GNB4: variants seen among roughly 807,000 people sequenced by gnomAD.
GNB4 encodes G protein subunit beta 4.
GNB4 carries 28 observed loss-of-function variants against 45.2 expected under a neutral mutation model. The ratio of observed to expected loss-of-function variants is 0.62; its 90% CI spans 0.46 to 0.85. The LOEUF (loss-of-function observed/expected upper bound fraction) is 0.85. GNB4 is among the 40% of genes least tolerant of loss of function. GNB4 has a pLI of 0.00. For missense variants in GNB4, 321 were observed against 425.4 expected, an observed-to-expected ratio of 0.75 and a Z score of 2.16; for synonymous variants, 132 against 143.7, an observed-to-expected ratio of 0.92 and a Z score of 0.58.
intron 1 of GNB4, among the ~76,000 whole-genome samples, chr3:179,430,522 A>G (rs1715280042): frequency 6.6e-6 from 1 of 152,060 alleles, no homozygotes; most frequent in Admixed American, 6.5e-5. Flanking sequence ...GCACAATCAC[A>G]GCTCACTGTA....
the GNB4 span, among the ~76,000 whole-genome samples, chr3:179,521,947 C>T: frequency 3.3e-5 from 5 of 152,156 alleles, no homozygotes; most frequent in Non-Finnish European, 7.3e-5. Context: ...TCCCAAGCTG[C>T]CCCTAATCCC....
chr3:179,405,559 T>G, intron 8 of GNB4, 153 bp from the exon 9 acceptor site: 1 of 580,222 alleles, frequency 1.7e-6, no homozygotes, highest in South Asian at 2.4e-5. Flanking sequence ...ATTTTGAGCC[T>G]CAGATTCCAT....
chr3:179,440,420 G>A (rs1715565417), intron 1 of GNB4, among the ~76,000 whole-genome samples: 1 of 152,134 alleles, frequency 6.6e-6, no homozygotes, highest in African/African-American at 2.4e-5. Context: ...AAGTAGCAAA[G>A]TACATGAGAA....
chr3:179,411,048 G>GA (rs1049858460), intron 8 of GNB4, among the ~76,000 whole-genome samples: 1 of 151,960 alleles, frequency 6.6e-6, no homozygotes, highest in African/African-American at 2.4e-5. Context: ...GGCTGGGGAG[G>GA]AAAAAAGCCT....
intron 1 of GNB4, among the ~76,000 whole-genome samples, chr3:179,431,084 C>G (rs909631957): frequency 6.6e-6 from 1 of 152,020 alleles, no homozygotes; most frequent in African/African-American, 2.4e-5. Context: ...TATCTAAAAC[C>G]CAGTAGATTT....
At chr3:179,490,409 AG>A in the GNB4 span, among the ~76,000 whole-genome samples, 380 of 152,332 alleles carry the variant, frequency 2.5e-3, 1 homozygote, top group Non-Finnish European at 3.7e-3. Context: ...ATAGACAGAT[AG>A]GTACGTAGGT....
intron 9 of GNB4, among the ~76,000 whole-genome samples, chr3:179,402,174 A>G (rs1357877374): frequency 6.6e-6 from 1 of 152,222 alleles, no homozygotes; most frequent in African/African-American, 2.4e-5. Context: ...TAACAAAAAA[A>G]ATGAACATTG....
the GNB4 span, among the ~76,000 whole-genome samples, chr3:179,456,916 G>A: frequency 1.3e-5 from 2 of 152,250 alleles, no homozygotes; most frequent in Non-Finnish European, 2.9e-5. Context: ...ACCACAGTTG[G>A]TTTATCCATT....
rs1714207804 is a variant in GNB4, at chr3:179,399,125, C to G, written c.*2088G>C. ...CTGGAAATGAATACATTCCTTTATT[C>G]TTTTCTCAAAGAACTGTTCTTTATG... On this transcript the variant is annotated 3_prime_UTR_variant, in exon 10 of 10. Transcript: ENST00000232564. The G allele has an allele frequency of 6.6e-6, 1 of 152,198 alleles. No homozygotes were observed. Among genetic ancestry groups the G allele is most frequent in the South Asian group, 2.1e-4 (1 of 4,818 alleles). 9.4% of individuals were successfully genotyped at this position (152,198 alleles called of 1,614,324 possible). A position where few individuals can be genotyped will look rare whatever the true frequency, so the allele number is the denominator to read the frequency against.
chr3:179,456,597 T>C, the GNB4 span, among the ~76,000 whole-genome samples: 1 of 152,226 alleles, frequency 6.6e-6, no homozygotes, highest in East Asian at 1.9e-4. Flanking sequence ...CCTTTTTTTC[T>C]TTTAGTGTGC....
At chr3:179,502,727 C>T in the GNB4 span, among the ~76,000 whole-genome samples, 3 of 152,172 alleles carry the variant, frequency 2.0e-5, no homozygotes, top group Admixed American at 2.0e-4. Flanking sequence ...CCCTGAACAT[C>T]AGTAAAATCT....
chr3:179,463,149 G>T, the GNB4 span, among the ~76,000 whole-genome samples: 2 of 152,030 alleles, frequency 1.3e-5, no homozygotes, highest in Middle Eastern at 3.4e-3. Flanking sequence ...CTGTACATTC[G>T]CTGGGTCAGG....
chr3:179,505,722 G>A, the GNB4 span, among the ~76,000 whole-genome samples: 1 of 152,126 alleles, frequency 6.6e-6, no homozygotes, highest in Non-Finnish European at 1.5e-5. Context: ...AGTGCTGGAC[G>A]ACACGTTCCA....
chr3:179,525,001 G>C, the GNB4 span, among the ~76,000 whole-genome samples: 2 of 152,136 alleles, frequency 1.3e-5, no homozygotes, highest in Admixed American at 1.3e-4. Context: ...GAACAGCCTG[G>C]GGAGGAGGGG....
chr3:179,520,040 TG>T, the GNB4 span, among the ~76,000 whole-genome samples: 1 of 152,148 alleles, frequency 6.6e-6, no homozygotes, highest in African/African-American at 2.4e-5. Context: ...CACCCCGTGG[TG>T]GCACACCCAT....
At chr3:179,435,244 T>C (rs985511047) in intron 1 of GNB4, among the ~76,000 whole-genome samples, 9 of 152,158 alleles carry the variant, frequency 5.9e-5, no homozygotes, top group African/African-American at 2.2e-4. Context: ...TCCCTTCTTA[T>C]TGAAACTTCA....
chr3:179,426,362 T>G (rs1389422045), intron 1 of GNB4, 120 bp from the exon 2 acceptor site: 2 of 562,334 alleles, frequency 3.6e-6, no homozygotes, highest in Non-Finnish European at 6.1e-6. Context: ...AGGTAGTCAA[T>G]TATTAAAGGA....
intron 2 of GNB4, among the ~76,000 whole-genome samples, chr3:179,424,738 G>A (rs925229419): frequency 3.3e-5 from 5 of 152,120 alleles, no homozygotes; most frequent in Admixed American, 6.5e-5. Flanking sequence ...CCGAGTAGCT[G>A]GGACTACAGG....
chr3:179,401,512 G>A lies in GNB4; in HGVS notation c.917-193C>T, dbSNP rs78652099. Among the ~76,000 whole-genome samples the A allele has an allele frequency of 0.015, 2,238 of 152,238 alleles. 66 individuals are homozygous for A. Among genetic ancestry groups the A allele is most frequent in the African/African-American group, 0.051 (2,133 of 41,528 alleles). On this transcript the variant is annotated intron_variant, in intron 9 of 9. Transcript: ENST00000232564. The stretch of plus-strand genomic sequence containing the variant: ...AAGAAGACAAGTTAGGAGTAAGCTG[G>A]ATGTATTTATAAATTTGGATTATTT...
Sources: allele counts gnomAD v4.1 joint callset (sites outside exome capture counted in the v4.1 genomes callset), GRCh38; gene constraint gnomAD v4.1.1; transcripts MANE v1.5; gene names NCBI Gene and HGNC (gene_info 2026-07-23, HGNC 2026-07-21).